The following ZDHHC21 variants were observed in gnomAD, a reference collection of about 807,000 sequenced individuals.
The protein encoded by ZDHHC21 is zDHHC palmitoyltransferase 21.
Under a neutral mutation model 34.6 loss-of-function variants are expected in ZDHHC21, and 15 were observed. The ratio of observed to expected loss-of-function variants is 0.43; its 90% CI spans 0.29 to 0.67. The LOEUF (loss-of-function observed/expected upper bound fraction) is 0.67. Ranked by LOEUF, ZDHHC21 falls within the 30% of genes least tolerant of loss-of-function variation. The pLI is 0.14. For missense variants in ZDHHC21, 344 were observed against 327.7 expected (o/e 1.05, Z -0.38); for synonymous variants, 142 against 101.8 (o/e 1.40, Z -2.38).
chr9:14,674,280 C>A lies in ZDHHC21; in HGVS notation c.61G>T (p.Val21Phe). The A allele has an allele frequency of 6.3e-7, 1 of 1,596,538 alleles. No individual in the cohort carries two copies. Among genetic ancestry groups the A allele is most frequent in the Non-Finnish European group, 8.5e-7 (1 of 1,173,692 alleles). ...PHGWCCMGLI[V>F]FVWLYNIVLI... ...ACAATATTGTATAACCAAACAAAGACAATCAAACCCATGCAGCACCAACCA... is the reference window on the plus strand; with the variant it reads ...ACAATATTGTATAACCAAACAAAGAAAATCAAACCCATGCAGCACCAACCA... The change falls in exon 4 of 10, where the codon GTC becomes TTC. Residue 21 changes from valine to phenylalanine, a missense_variant. Val to Phe is a conservative substitution (Grantham distance 50). Coordinates refer to ENST00000380916, the MANE Select transcript of ZDHHC21 (RefSeq NM_178566.6).
intron 7 of ZDHHC21, among the ~76,000 whole-genome samples, chr9:14,653,942 C>T (rs1831717239): frequency 6.6e-6 from 1 of 151,960 alleles, no homozygotes; most frequent in East Asian, 1.9e-4. Flanking sequence ...TGGCAAGTAG[C>T]CAAACTCCCC....
intron 8 of ZDHHC21, among the ~76,000 whole-genome samples, chr9:14,623,188 A>G (rs1433387839): frequency 6.6e-6 from 1 of 151,950 alleles, no homozygotes; most frequent in East Asian, 1.9e-4. Context: ...AGATTACATC[A>G]AACAAAAAAG....
At chr9:14,604,280 C>A in the ZDHHC21 span, among the ~76,000 whole-genome samples, 2 of 152,068 alleles carry the variant, frequency 1.3e-5, no homozygotes, top group Admixed American at 6.6e-5. Context: ...AGGAAATAAT[C>A]CACTTAGTGA....
At position 14,662,338 on chromosome 9, in the gene ZDHHC21, A is replaced by G; in HGVS notation, c.254-12T>C. 3 of 1,592,654 alleles carry G rather than the reference A, an allele frequency of 1.9e-6. No individual in the cohort carries two copies. Among genetic ancestry groups the G allele is most frequent in the Non-Finnish European group, 2.6e-6 (3 of 1,169,760 alleles). On this transcript the variant is annotated splice_polypyrimidine_tract_variant and intron_variant, in intron 5 of 9. Coordinates refer to ENST00000380916, the MANE Select transcript of ZDHHC21 (RefSeq NM_178566.6). ...CCAGAACTCCCTTTCTAAAGAAAAG[A>G]AATTAAAATCCATTTAATGAAGGCA...
rs1306257865 is a variant in ZDHHC21, at chr9:14,615,189, C to T, written c.*3777G>A. ...ACACTTCCTGGTTTGAAGTGTTGTCCTAACTTAAGTCTTCATGATTAGCAT... is the reference window on the plus strand; with the variant it reads ...ACACTTCCTGGTTTGAAGTGTTGTCTTAACTTAAGTCTTCATGATTAGCAT... On this transcript the variant is annotated 3_prime_UTR_variant, in exon 10 of 10. Coordinates refer to ENST00000380916, the MANE Select transcript of ZDHHC21 (RefSeq NM_178566.6). The T allele has an allele frequency of 6.6e-6, 1 of 151,670 alleles. No homozygotes were observed. Among genetic ancestry groups the T allele is most frequent in the Non-Finnish European group, 1.5e-5 (1 of 67,700 alleles). The allele number at this position is 151,670 out of a possible 1,614,324, so 9.4% of individuals were successfully genotyped here. A position where few individuals can be genotyped will look rare whatever the true frequency, so the allele number is the denominator to read the frequency against.
chr9:14,658,672 C>T (rs1832787486), intron 7 of ZDHHC21, 77 bp downstream of exon 7: 6 of 1,211,040 alleles, frequency 5.0e-6, no homozygotes, highest in East Asian at 2.5e-5. Context: ...GGGGTTTCAC[C>T]GTGTTAGCCA....
downstream of ZDHHC21, among the ~76,000 whole-genome samples, chr9:14,608,465 G>C (rs1185204418): frequency 6.6e-6 from 1 of 152,164 alleles, no homozygotes; most frequent in East Asian, 1.9e-4. Flanking sequence ...TATATTCCAA[G>C]TTCCTAATTT....
At chr9:14,689,251 T>A (rs1002428227) in intron 2 of ZDHHC21, among the ~76,000 whole-genome samples, 1 of 152,188 alleles carries the variant, frequency 6.6e-6, no homozygotes, top group African/African-American at 2.4e-5. Flanking sequence ...ATAGAATGAA[T>A]GAACTGAAGC....
chr9:14,682,376 G>C (rs1431096330), intron 2 of ZDHHC21, among the ~76,000 whole-genome samples: 2 of 152,128 alleles, frequency 1.3e-5, no homozygotes, highest in African/African-American at 4.8e-5. Flanking sequence ...ACAAAAAAAG[G>C]CAGGGGTTGC....
rs957203247 is a variant in ZDHHC21, at chr9:14,614,702, A to T, written c.*4264T>A. 1 of 151,764 alleles carries T rather than the reference A, an allele frequency of 6.6e-6. No individual in the cohort carries two copies. The highest frequency in any genetic ancestry group is 2.4e-5 in the African/African-American group (1 of 41,422). The allele number at this position is 151,764 out of a possible 1,614,324, so 9.4% of individuals were successfully genotyped here. ...GCATTAAATAACACATTCATTAATCATACAGTTAATACTAGCAAGTAGAAC... is the reference window on the plus strand; with the variant it reads ...GCATTAAATAACACATTCATTAATCTTACAGTTAATACTAGCAAGTAGAAC... On this transcript the variant is annotated 3_prime_UTR_variant, in exon 10 of 10. Coordinates refer to ENST00000380916, the MANE Select transcript of ZDHHC21 (RefSeq NM_178566.6).
At chr9:14,674,671 T>C (rs1175772721) in intron 3 of ZDHHC21, among the ~76,000 whole-genome samples, 1 of 152,060 alleles carries the variant, frequency 6.6e-6, no homozygotes, top group Non-Finnish European at 1.5e-5. Context: ...AATCATCTAC[T>C]GAATTTAAAA....
intron 7 of ZDHHC21, among the ~76,000 whole-genome samples, chr9:14,657,396 A>C (rs1832439144): frequency 6.6e-6 from 1 of 152,124 alleles, no homozygotes; most frequent in Non-Finnish European, 1.5e-5. Context: ...TACCATTCAG[A>C]GAGGTTAAAC....
At position 14,687,602 on chromosome 9, in the gene ZDHHC21, C is replaced by T. The variant is rs541647090; in HGVS notation, c.-176+2735G>A. 1.3e-4 allele frequency among the ~76,000 whole-genome samples: 19 copies of T among 150,944 alleles called. No individual in the cohort carries two copies. The South Asian group carries it at 3.7e-3, about 30-fold the overall frequency. ...ACGAGAATCGCTTGAAGCTTGAACC[C>T]AGGAGGCAGAAGCCGCAGTGAGCAG... On this transcript the variant is annotated intron_variant, in intron 2 of 9. Transcript: ENST00000380916.
chr9:14,625,795 T>C (rs1410189358), intron 8 of ZDHHC21, among the ~76,000 whole-genome samples: 5 of 151,996 alleles, frequency 3.3e-5, no homozygotes, highest in Admixed American at 6.6e-5. Context: ...TAAAATCCTA[T>C]GCCCTCTAAG....
Position 14,613,348 on chromosome 9 carries a change from T to C in ZDHHC21, c.*5618A>G, listed in dbSNP as rs531415857. 3 of 151,992 alleles carry C rather than the reference T, an allele frequency of 2.0e-5. No individual in the cohort carries two copies. The highest frequency in any genetic ancestry group is 1.9e-4 in the East Asian group (1 of 5,166). The allele number at this position is 151,992 out of a possible 1,614,324, so 9.4% of individuals were successfully genotyped here. Reference sequence around the variant, plus strand: ...AAATGTCACTCAATGCTAAAGTGAATAGCACCAGGATGTTTTATAGTTGTT... The same window carrying C: ...AAATGTCACTCAATGCTAAAGTGAACAGCACCAGGATGTTTTATAGTTGTT... On this transcript the variant is annotated 3_prime_UTR_variant, in exon 10 of 10. Transcript: ENST00000380916.
At chr9:14,620,337 T>C (rs369634583) in intron 8 of ZDHHC21, among the ~76,000 whole-genome samples, 2 of 151,962 alleles carry the variant, frequency 1.3e-5, no homozygotes, top group African/African-American at 4.8e-5. Context: ...GAAATGCTGG[T>C]TTCTGTTATC....
intron 8 of ZDHHC21, among the ~76,000 whole-genome samples, chr9:14,621,031 G>A (rs2133442394): frequency 6.6e-6 from 1 of 152,156 alleles, no homozygotes; most frequent in African/African-American, 2.4e-5. Flanking sequence ...TAGGGTCTTA[G>A]AGGAAATTTG....
chr9:14,595,312 G>C, the ZDHHC21 span, among the ~76,000 whole-genome samples: 1 of 152,176 alleles, frequency 6.6e-6, no homozygotes, highest in African/African-American at 2.4e-5. Context: ...TCATAAGACA[G>C]AGTTCTGTTC....
intron 8 of ZDHHC21, among the ~76,000 whole-genome samples, chr9:14,634,504 C>A (rs761308874): frequency 6.6e-6 from 1 of 152,182 alleles, no homozygotes; most frequent in Non-Finnish European, 1.5e-5. Context: ...GCCCACCTGG[C>A]AACCCGGTCC....
Sources: gnomAD v4.1 joint callset for allele counts (sites outside exome capture counted in the v4.1 genomes callset) on GRCh38, gnomAD v4.1.1 for gene constraint, MANE v1.5 for transcripts, NCBI Gene and HGNC (gene_info 2026-07-23, HGNC 2026-07-21) for gene names.